The following ZNF804B variants were observed in gnomAD, a reference collection of about 807,000 sequenced individuals.
ZNF804B encodes the protein zinc finger protein 804B, also known as zinc finger 804B.
In ZNF804B, 80 loss-of-function variants were observed where a neutral mutation model predicts 101.4. The ratio of observed to expected loss-of-function variants is 0.79; its 90% CI spans 0.66 to 0.95. The LOEUF (loss-of-function observed/expected upper bound fraction) is 0.95, where lower values mean the gene tolerates loss of function less well. Ranked by LOEUF, ZNF804B falls within the 40% of genes least tolerant of loss-of-function variation. The pLI is 0.00. For synonymous variants in ZNF804B, 622 were observed against 558.8 expected (o/e 1.11, Z -1.59); for missense variants, 1,673 against 1,561.9 (o/e 1.07, Z -1.20).
chr7:89,029,951 TAA>T (rs955681946), intron 1 of ZNF804B, among the ~76,000 whole-genome samples: 14 of 152,152 alleles, frequency 9.2e-5, no homozygotes, highest in Non-Finnish European at 5.9e-5. Context: ...ATCTGATATA[TAA>T]AGAGTCTTAT....
At chr7:89,178,448 C>T (rs1788238938) in intron 1 of ZNF804B, among the ~76,000 whole-genome samples, 1 of 151,824 alleles carries the variant, frequency 6.6e-6, no homozygotes, top group African/African-American at 2.4e-5. Context: ...TTTGAGAGGA[C>T]TATGAAGCTT....
At chr7:89,141,423 T>C (rs1366287161) in intron 1 of ZNF804B, among the ~76,000 whole-genome samples, 1 of 152,006 alleles carries the variant, frequency 6.6e-6, no homozygotes, top group Non-Finnish European at 1.5e-5. Context: ...ATCTTGTTCA[T>C]ATATGTGTGT....
At chr7:88,883,709 A>G (rs1035222571) in intron 1 of ZNF804B, among the ~76,000 whole-genome samples, 10 of 152,100 alleles carry the variant, frequency 6.6e-5, no homozygotes, top group African/African-American at 2.4e-4. Flanking sequence ...TAGGTCTAGA[A>G]GAAATGCACA....
chr7:89,293,842 T>G lies in ZNF804B; in HGVS notation c.250-33502T>G, dbSNP rs946878021. Among the ~76,000 whole-genome samples the G allele has an allele frequency of 5.9e-5, 9 of 152,200 alleles. No individual in the cohort carries two copies. The East Asian group carries it at 1.7e-3, about 29-fold the overall frequency. On this transcript the variant is annotated intron_variant, in intron 2 of 3. Transcript: ENST00000333190. ...GAAATGGAAACATGAGAAGCTCAAT[T>G]GCATTTTGCAATCTCCACCTCTTAT... is the stretch of plus-strand genomic sequence containing the variant.
chr7:89,062,101 A>T (rs898914119), intron 1 of ZNF804B, among the ~76,000 whole-genome samples: 1 of 152,100 alleles, frequency 6.6e-6, no homozygotes, highest in Non-Finnish European at 1.5e-5. Context: ...GATGACCACT[A>T]CTTCCAGAAA....
chr7:89,113,826 G>C (rs976094432), intron 1 of ZNF804B, among the ~76,000 whole-genome samples: 1 of 151,808 alleles, frequency 6.6e-6, no homozygotes, highest in Non-Finnish European at 1.5e-5. Flanking sequence ...TGGCATGCCT[G>C]TAATCCTAGC....
rs552076307 is a variant in ZNF804B, at chr7:89,321,540, G to C, written c.250-5804G>C. On this transcript the variant is annotated intron_variant, in intron 2 of 3. Coordinates refer to ENST00000333190, the MANE Select transcript of ZNF804B (RefSeq NM_181646.5). ...TTTAATGTCTAGTGCAACTATGAAA[G>C]TGACATAGGTAGACGTAACTAAATA... 2.6e-5 allele frequency among the ~76,000 whole-genome samples: 4 copies of C among 152,098 alleles called. No individual in the cohort carries two copies. The South Asian group carries it at 8.3e-4, about 32-fold the overall frequency.
intron 1 of ZNF804B, among the ~76,000 whole-genome samples, chr7:89,011,766 C>A (rs904394592): frequency 1.3e-5 from 2 of 152,118 alleles, no homozygotes; most frequent in Non-Finnish European, 2.9e-5. Flanking sequence ...GAGTACAGCC[C>A]CCCTCGCAGC....
chr7:88,877,038 TATATATA>T (rs1791959125), intron 1 of ZNF804B, among the ~76,000 whole-genome samples: 1 of 48,082 alleles, frequency 2.1e-5, no homozygotes, highest in Non-Finnish European at 4.0e-5. Flanking sequence ...TATATATATA[TATATATA>T]TATATTTTTT....
chr7:89,224,539 G>A (rs1342859667), intron 2 of ZNF804B, among the ~76,000 whole-genome samples: 1 of 151,894 alleles, frequency 6.6e-6, no homozygotes, highest in Non-Finnish European at 1.5e-5. Flanking sequence ...GTATGTTTAA[G>A]TTATTAGTCC....
chr7:89,241,313 T>C (rs1789366560), intron 2 of ZNF804B, among the ~76,000 whole-genome samples: 2 of 152,116 alleles, frequency 1.3e-5, no homozygotes, highest in Non-Finnish European at 2.9e-5. Flanking sequence ...GCTTCAATTA[T>C]TCACTCCAGG....
chr7:89,129,962 A>G (rs1458373854), intron 1 of ZNF804B, among the ~76,000 whole-genome samples: 3 of 152,018 alleles, frequency 2.0e-5, no homozygotes, highest in Non-Finnish European at 4.4e-5. Flanking sequence ...GAAGAATTAT[A>G]TTCCCTTTAA....
At chr7:89,268,381 G>A (rs1474261982) in intron 2 of ZNF804B, among the ~76,000 whole-genome samples, 2 of 151,956 alleles carry the variant, frequency 1.3e-5, no homozygotes, top group Non-Finnish European at 2.9e-5. Flanking sequence ...TTTCTCATGT[G>A]TACATTCAGC....
At chr7:88,881,329 A>G (rs1175117086) in intron 1 of ZNF804B, among the ~76,000 whole-genome samples, 2 of 152,152 alleles carry the variant, frequency 1.3e-5, no homozygotes, top group Non-Finnish European at 2.9e-5. Context: ...ATGAGATTAT[A>G]TTGCTGAGTT....
chr7:88,996,528 T>C (rs1450017974), intron 1 of ZNF804B, among the ~76,000 whole-genome samples: 3 of 152,102 alleles, frequency 2.0e-5, no homozygotes, highest in Non-Finnish European at 4.4e-5. Context: ...CTTTTAACTT[T>C]GTCTTTACCA....
intron 1 of ZNF804B, among the ~76,000 whole-genome samples, chr7:89,127,786 T>C (rs1790495344): frequency 6.6e-6 from 1 of 151,590 alleles, no homozygotes; most frequent in South Asian, 2.1e-4. Context: ...TGCCATTAAG[T>C]AATGGCAAAA....
At chr7:89,125,024 A>C (rs1790458369) in intron 1 of ZNF804B, among the ~76,000 whole-genome samples, 1 of 150,806 alleles carries the variant, frequency 6.6e-6, no homozygotes, top group Admixed American at 6.6e-5. Context: ...CTTTGGAGAC[A>C]ATTGTTGTTT....
At chr7:89,318,549 G>A (rs923758106) in intron 2 of ZNF804B, among the ~76,000 whole-genome samples, 1 of 152,174 alleles carries the variant, frequency 6.6e-6, no homozygotes, top group South Asian at 2.1e-4. Flanking sequence ...GATCACCTGA[G>A]GTCAGGAGTT....
At chr7:89,066,528 G>A (rs576494985) in intron 1 of ZNF804B, among the ~76,000 whole-genome samples, 4 of 152,080 alleles carry the variant, frequency 2.6e-5, no homozygotes, top group South Asian at 2.1e-4. Context: ...TTTCATTGAC[G>A]CCTGGCCAAA....
Sources: gnomAD v4.1 joint callset for allele counts (sites outside exome capture counted in the v4.1 genomes callset) on GRCh38, gnomAD v4.1.1 for gene constraint, MANE v1.5 for transcripts, NCBI Gene and HGNC (gene_info 2026-07-23, HGNC 2026-07-21) for gene names.